The following BCL11B variants were observed in gnomAD, a reference collection of about 807,000 sequenced individuals.
BCL11B encodes the protein B-cell lymphoma/leukemia 11B.
In BCL11B, 8 loss-of-function variants were observed where a neutral mutation model predicts 49.9. The ratio of observed to expected loss-of-function variants is 0.16; its 90% CI spans 0.09 to 0.29. The LOEUF (loss-of-function observed/expected upper bound fraction) is 0.29. Among genes scored for constraint, BCL11B ranks in the 10% least tolerant of loss-of-function variants. The pLI is 1.00. For missense variants in BCL11B, 1,006 were observed against 1,351.0 expected (o/e 0.74, Z 4.00); for synonymous variants, 739 against 637.4 (o/e 1.16, Z -2.40).
rs184414055 is a variant in BCL11B at position 99,259,704 on chromosome 14, C to T, written c.59-1865G>A. Among the ~76,000 whole-genome samples, 4 of 152,308 alleles carry T rather than the reference C, an allele frequency of 2.6e-5. No homozygotes were observed. In the East Asian group the frequency reaches 5.8e-4, roughly 22 times the overall value. On this transcript the variant is annotated intron_variant, in intron 1 of 3. Coordinates refer to ENST00000357195, the MANE Select transcript of BCL11B (RefSeq NM_138576.4). ...GGTAAAGAAACAGTCCTCACAAAGCCGGTCCCAGAAACCATTAATTACACT... is the reference window on the plus strand; with the variant it reads ...GGTAAAGAAACAGTCCTCACAAAGCTGGTCCCAGAAACCATTAATTACACT...
At chr14:99,251,348 C>T (rs935943213) in intron 2 of BCL11B, among the ~76,000 whole-genome samples, 5 of 152,174 alleles carry the variant, frequency 3.3e-5, no homozygotes, top group Non-Finnish European at 5.9e-5. Flanking sequence ...GGAACCTGTT[C>T]TATGTATACC....
chr14:99,260,618 A>G (rs1178332022), intron 1 of BCL11B, among the ~76,000 whole-genome samples: 1 of 152,092 alleles, frequency 6.6e-6, no homozygotes, highest in African/African-American at 2.4e-5. Flanking sequence ...TGCCAAGACT[A>G]TGTACCAGCA....
intron 3 of BCL11B, among the ~76,000 whole-genome samples, chr14:99,204,041 C>A (rs965697252): frequency 6.6e-6 from 1 of 152,230 alleles, no homozygotes. Context: ...CCACTGCCCC[C>A]ACCCTAGCCT....
intron 3 of BCL11B, among the ~76,000 whole-genome samples, chr14:99,212,155 C>T (rs1057414491): frequency 3.9e-5 from 6 of 152,176 alleles, no homozygotes; most frequent in African/African-American, 1.4e-4. Context: ...CCCAGGGATT[C>T]ACCTGAGCAC....
rs569904498 is a variant in BCL11B at position 99,271,733 on chromosome 14, A to C, written c.-515T>G. On this transcript the variant is annotated 5_prime_UTR_variant, in exon 1 of 4. Coordinates refer to ENST00000357195, the MANE Select transcript of BCL11B (RefSeq NM_138576.4). ...AGCGCACTTCTACCAGGAGGGGAAA[A>C]AAAATGCAAACAAATAAAAAAATAA... Among the ~76,000 whole-genome samples, 2 of 151,932 alleles carry C rather than the reference A, an allele frequency of 1.3e-5. No homozygotes were observed. Among genetic ancestry groups the C allele is most frequent in the African/African-American group, 4.8e-5 (2 of 41,316 alleles).
At chr14:99,220,695 C>T (rs1023903087) in intron 3 of BCL11B, among the ~76,000 whole-genome samples, 4 of 151,880 alleles carry the variant, frequency 2.6e-5, no homozygotes, top group Admixed American at 2.0e-4. Flanking sequence ...TTATTGCCAC[C>T]GAACTGTGCA....
intron 2 of BCL11B, among the ~76,000 whole-genome samples, chr14:99,234,200 G>T (rs1462294337): frequency 6.6e-6 from 1 of 152,090 alleles, no homozygotes; most frequent in Non-Finnish European, 1.5e-5. Flanking sequence ...GAGTTTCTTC[G>T]GGGGGTGATG....
At chr14:99,201,983 C>T (rs1033756302) in intron 3 of BCL11B, among the ~76,000 whole-genome samples, 1 of 152,108 alleles carries the variant, frequency 6.6e-6, no homozygotes, top group African/African-American at 2.4e-5. Flanking sequence ...CAGAAACACT[C>T]GCCTCTTTTT....
chr14:99,237,172 G>A (rs1204279286), intron 2 of BCL11B, among the ~76,000 whole-genome samples: 1 of 151,386 alleles, frequency 6.6e-6, no homozygotes, highest in East Asian at 1.9e-4. Context: ...GGTCTTTGGG[G>A]TTGAGGGTGA....
chr14:99,240,450 T>C (rs189432202), intron 2 of BCL11B, among the ~76,000 whole-genome samples: 88 of 152,290 alleles, frequency 5.8e-4, no homozygotes, highest in Non-Finnish European at 9.7e-4. Context: ...AAGAACAAAA[T>C]CTTTTCTATG....
intron 1 of BCL11B, among the ~76,000 whole-genome samples, chr14:99,267,358 T>C (rs1889512913): frequency 1.3e-5 from 2 of 152,132 alleles, no homozygotes; most frequent in African/African-American, 2.4e-5. Flanking sequence ...TTTAAAAATA[T>C]TAGGGGCTGT....
intron 3 of BCL11B, among the ~76,000 whole-genome samples, chr14:99,199,683 T>TGTGTGTGTGTGTGTGTGCGCGCGCGCGC (rs759599743): frequency 5.4e-5 from 4 of 73,642 alleles, no homozygotes; most frequent in South Asian, 3.5e-4. Context: ...TGTGTGTGTG[T>TGTGTGTGTGTGTGTGTGCGCGCGCGCGC]GCGCGCGCGC....
chr14:99,269,523 C>CA (rs1425009111), intron 1 of BCL11B, among the ~76,000 whole-genome samples: 8 of 125,716 alleles, frequency 6.4e-5, no homozygotes, highest in Admixed American at 4.6e-4. Flanking sequence ...ATTCCCCCCC[C>CA]CCCAAAAAAA....
chr14:99,221,583 G>A (rs1566816601), intron 3 of BCL11B, among the ~76,000 whole-genome samples: 1 of 152,394 alleles, frequency 6.6e-6, no homozygotes, highest in East Asian at 1.9e-4. Context: ...CAGGCGGGAG[G>A]GGCAGGCCAG....
intron 2 of BCL11B, among the ~76,000 whole-genome samples, chr14:99,256,911 CTCATT>C (rs1369093643): frequency 6.6e-6 from 1 of 152,124 alleles, no homozygotes; most frequent in Admixed American, 6.5e-5. Flanking sequence ...GGCCTAACTC[CTCATT>C]TCACACATGG....
At chr14:99,254,950 G>A (rs1401946833) in intron 2 of BCL11B, among the ~76,000 whole-genome samples, 1 of 152,072 alleles carries the variant, frequency 6.6e-6, no homozygotes, top group Non-Finnish European at 1.5e-5. Flanking sequence ...TAATAAACAG[G>A]GCTTGTCTAC....
intron 1 of BCL11B, among the ~76,000 whole-genome samples, chr14:99,258,235 C>G (rs1889232604): frequency 6.6e-6 from 1 of 152,220 alleles, no homozygotes; most frequent in Non-Finnish European, 1.5e-5. Flanking sequence ...CTGAGAATCA[C>G]CTGGAGGGTT....
At chr14:99,177,031 A>T (rs926581984) in intron 3 of BCL11B, among the ~76,000 whole-genome samples, 1 of 152,068 alleles carries the variant, frequency 6.6e-6, no homozygotes, top group African/African-American at 2.4e-5. Context: ...AGCACTGTAC[A>T]CCTGAATATG....
chr14:99,263,462 C>T (rs543660647), intron 1 of BCL11B, among the ~76,000 whole-genome samples: 29 of 152,200 alleles, frequency 1.9e-4, no homozygotes, highest in African/African-American at 5.1e-4. Flanking sequence ...TTGGGCCTGG[C>T]CTGCAGGCCA....
Sources: gnomAD v4.1 joint callset for allele counts (sites outside exome capture counted in the v4.1 genomes callset) on GRCh38, gnomAD v4.1.1 for gene constraint, MANE v1.5 for transcripts, NCBI Gene and HGNC (gene_info 2026-07-23, HGNC 2026-07-21) for gene names.